Variants in ADGRG6 observed in about 807,000 individuals in gnomAD.
ADGRG6 encodes the protein adhesion G protein-coupled receptor G6.
ADGRG6 carries 84 observed loss-of-function variants against 142.4 expected under a neutral mutation model. That is an observed-to-expected ratio of 0.59 (90% CI 0.49 to 0.71). ADGRG6 has a LOEUF of 0.71. ADGRG6 is among the 30% of genes least tolerant of loss of function. The pLI is 0.00. For synonymous variants in ADGRG6, 521 were observed against 520.5 expected, an observed-to-expected ratio of 1.00 and a Z score of -0.01; for missense variants, 1,367 against 1,466.6, an observed-to-expected ratio of 0.93 and a Z score of 1.11.
intron 2 of ADGRG6, among the ~76,000 whole-genome samples, chr6:142,359,474 G>T (rs1336685214): frequency 6.6e-6 from 1 of 152,028 alleles, no homozygotes; most frequent in African/African-American, 2.4e-5. Context: ...CACTGCCCAG[G>T]ACACTCTTTT....
rs113284499 is a variant in ADGRG6 at position 142,440,718 on chromosome 6, A to G, written c.3574+2354A>G. On this transcript the variant is annotated intron_variant, in intron 24 of 24. Coordinates refer to ENST00000367609, the MANE Select transcript of ADGRG6 (RefSeq NM_198569.3). Reference sequence around the variant, plus strand: ...TAGTTAGTTATATGGCATTACTTCAATGTTATAATAAATCCTGGTTTACAG... The same window carrying G: ...TAGTTAGTTATATGGCATTACTTCAGTGTTATAATAAATCCTGGTTTACAG... 7.8e-3 allele frequency among the ~76,000 whole-genome samples: 1,182 copies of G among 152,286 alleles called. 21 individuals are homozygous for G. Among genetic ancestry groups the G allele is most frequent in the African/African-American group, 0.027 (1,104 of 41,560 alleles).
At chr6:142,399,999 T>C (rs1775421139) in intron 10 of ADGRG6, among the ~76,000 whole-genome samples, 1 of 152,158 alleles carries the variant, frequency 6.6e-6, no homozygotes, top group Non-Finnish European at 1.5e-5. Flanking sequence ...CTTAGTTAGC[T>C]TCCAGGCAGG....
chr6:142,434,280 G>A (rs545738140), intron 22 of ADGRG6, among the ~76,000 whole-genome samples: 104 of 151,640 alleles, frequency 6.9e-4, no homozygotes, highest in African/African-American at 2.4e-3. Flanking sequence ...GTCATTGCAT[G>A]CCTTATTCAT....
chr6:142,402,337 T>C (rs561455210), intron 12 of ADGRG6, among the ~76,000 whole-genome samples: 23 of 152,252 alleles, frequency 1.5e-4, no homozygotes, highest in Admixed American at 1.0e-3. Flanking sequence ...TAATTTTAAA[T>C]AGCAAATATA....
intron 22 of ADGRG6, among the ~76,000 whole-genome samples, chr6:142,425,406 A>C (rs1776890451): frequency 6.6e-6 from 1 of 152,204 alleles, no homozygotes; most frequent in African/African-American, 2.4e-5. Context: ...AATACTCATC[A>C]TTGATTTGCT....
intron 14 of ADGRG6, 161 bp from the exon 15 acceptor site, chr6:142,405,527 T>A: frequency 1.5e-6 from 1 of 683,794 alleles, no homozygotes; most frequent in South Asian, 1.6e-5. Flanking sequence ...TCTGTAGGGG[T>A]TTATCCAGGA....
intron 2 of ADGRG6, among the ~76,000 whole-genome samples, chr6:142,330,280 A>G (rs191364059): frequency 6.6e-6 from 1 of 152,214 alleles, no homozygotes; most frequent in Admixed American, 6.5e-5. Context: ...CTGTACAGCA[A>G]ACCCCCGTGA....
chr6:142,379,919 G>A (rs1174960148), intron 4 of ADGRG6, among the ~76,000 whole-genome samples: 1 of 152,150 alleles, frequency 6.6e-6, no homozygotes, highest in Non-Finnish European at 1.5e-5. Flanking sequence ...TGCCCAAGAT[G>A]GTCAGGGTAC....
At chr6:142,332,083 A>T (rs143285275) in intron 2 of ADGRG6, among the ~76,000 whole-genome samples, 1,580 of 152,326 alleles carry the variant, frequency 0.01, 10 homozygotes, top group South Asian at 0.02. Flanking sequence ...GAGAAACCAT[A>T]TATAAATATA....
chr6:142,360,728 A>G (rs1472777526), intron 2 of ADGRG6, among the ~76,000 whole-genome samples: 1 of 152,148 alleles, frequency 6.6e-6, no homozygotes, highest in East Asian at 1.9e-4. Context: ...GTGTGATCTC[A>G]GCTTACTGAA....
chr6:142,403,202 C>T (rs905911637), intron 13 of ADGRG6, among the ~76,000 whole-genome samples: 1 of 152,006 alleles, frequency 6.6e-6, no homozygotes, highest in Non-Finnish European at 1.5e-5. Context: ...CAGCCACAGC[C>T]ACATGATTGT....
chr6:142,396,166 A>G (rs6900087), intron 9 of ADGRG6, among the ~76,000 whole-genome samples: 6 of 152,184 alleles, frequency 3.9e-5, no homozygotes, highest in Middle Eastern at 3.4e-3. Context: ...AAAAGGTCAC[A>G]TTCCCAGCTG....
At chr6:142,379,913 C>A (rs531705645) in intron 4 of ADGRG6, among the ~76,000 whole-genome samples, 1 of 152,220 alleles carries the variant, frequency 6.6e-6, no homozygotes, top group East Asian at 1.9e-4. Context: ...GACATGTGCC[C>A]AAGATGGTCA....
At chr6:142,393,673 G>T (rs947033243) in intron 8 of ADGRG6, among the ~76,000 whole-genome samples, 1 of 152,090 alleles carries the variant, frequency 6.6e-6, no homozygotes, top group African/African-American at 2.4e-5. Flanking sequence ...TTATCAGAAC[G>T]TCTCAGTTTC....
intron 1 of ADGRG6, among the ~76,000 whole-genome samples, chr6:142,306,320 G>C (rs148712149): frequency 6.6e-6 from 1 of 152,176 alleles, no homozygotes; most frequent in Admixed American, 6.5e-5. Context: ...AAGCAATTCT[G>C]TAGAAGGGTT....
At position 142,333,916 on chromosome 6, in the gene ADGRG6, T is replaced by C. The variant is rs551843681; in HGVS notation, c.103+24272T>C. Among the ~76,000 whole-genome samples the C allele has an allele frequency of 2.6e-4, 39 of 152,306 alleles. No homozygotes were observed. The South Asian group carries it at 5.2e-3, about 20-fold the overall frequency. On this transcript the variant is annotated intron_variant, in intron 2 of 24. Transcript: ENST00000367609. The stretch of plus-strand genomic sequence containing the variant: ...TTTAATTCCGGCCTTCTGTCTCTAA[T>C]CCTATGGCTTGTCCACACTGTCATT...
At chr6:142,365,931 G>A (rs1434737254) in intron 2 of ADGRG6, among the ~76,000 whole-genome samples, 1 of 151,910 alleles carries the variant, frequency 6.6e-6, no homozygotes, top group African/African-American at 2.4e-5. Context: ...AAAGAGGGAG[G>A]GATATAATAA....
intron 2 of ADGRG6, among the ~76,000 whole-genome samples, chr6:142,364,677 A>G (rs1356140051): frequency 1.3e-5 from 2 of 152,198 alleles, no homozygotes; most frequent in African/African-American, 2.4e-5. Context: ...TTAACTTGTT[A>G]AAGATTACAC....
At chr6:142,401,793 GAGAT>G (rs986678118) in intron 11 of ADGRG6, among the ~76,000 whole-genome samples, 197 bp from the exon 12 acceptor site, 24 of 152,010 alleles carry the variant, frequency 1.6e-4, no homozygotes, top group Non-Finnish European at 5.9e-5. Context: ...ATAGGCTAGA[GAGAT>G]AGAACGTAGA....
Sources: allele counts gnomAD v4.1 joint callset (sites outside exome capture counted in the v4.1 genomes callset), GRCh38; gene constraint gnomAD v4.1.1; transcripts MANE v1.5; gene names NCBI Gene and HGNC (gene_info 2026-07-23, HGNC 2026-07-21).